TNFAIP8: variants seen among roughly 807,000 people sequenced by gnomAD.
TNFAIP8 encodes the protein tumor necrosis factor alpha-induced protein 8.
In TNFAIP8, 7 loss-of-function variants were observed where a neutral mutation model predicts 13.3. The observed-to-expected ratio is 0.52, with a 90% CI of 0.30 to 0.99. The LOEUF is 0.99. Ranked by LOEUF, TNFAIP8 falls within the 50% of genes least tolerant of loss-of-function variation. The probability of loss-of-function intolerance (pLI) is 0.07; values close to 1 mark genes in which losing one functional copy is unlikely to be tolerated. For synonymous variants in TNFAIP8, 94 were observed against 87.6 expected (o/e 1.07, Z -0.41); for missense variants, 258 against 236.9 (o/e 1.09, Z -0.58).
chr5:119,376,161 C>G (rs1296770729), intron 1 of TNFAIP8, among the ~76,000 whole-genome samples: 1 of 151,644 alleles, frequency 6.6e-6, no homozygotes, highest in Non-Finnish European at 1.5e-5. Flanking sequence ...GTTGCCCAGA[C>G]TGGAGTGCAG....
intron 1 of TNFAIP8, among the ~76,000 whole-genome samples, chr5:119,368,837 T>G (rs1202204973): frequency 6.6e-6 from 1 of 152,118 alleles, no homozygotes; most frequent in Non-Finnish European, 1.5e-5. Flanking sequence ...GCTGTGACCC[T>G]GAGGTGCTTG....
intron 1 of TNFAIP8, among the ~76,000 whole-genome samples, chr5:119,348,923 A>G (rs1431536271): frequency 6.6e-6 from 1 of 150,702 alleles, no homozygotes; most frequent in Admixed American, 6.6e-5. Context: ...GACAACATCT[A>G]AGGTTTCTTT....
At chr5:119,289,519 T>C (rs1470070277) in intron 1 of TNFAIP8, among the ~76,000 whole-genome samples, 1 of 152,186 alleles carries the variant, frequency 6.6e-6, no homozygotes, top group Non-Finnish European at 1.5e-5. Flanking sequence ...AGAAATCTTG[T>C]CAAATAAAAA....
intron 1 of TNFAIP8, among the ~76,000 whole-genome samples, chr5:119,284,420 C>T (rs1748716993): frequency 6.6e-6 from 1 of 152,098 alleles, no homozygotes; most frequent in South Asian, 2.1e-4. Context: ...AGGCCAGGCA[C>T]CTATAATCCC....
chr5:119,391,421 T>A (rs935993521), intron 1 of TNFAIP8: 1 of 702,314 alleles, frequency 1.4e-6, no homozygotes, highest in East Asian at 2.7e-5. Flanking sequence ...GACTCAGAGA[T>A]TGAGTAGACA....
rs187167615 is a variant in TNFAIP8, at chr5:119,299,889, C to T, written c.1+30982C>T. 2.2e-3 allele frequency among the ~76,000 whole-genome samples: 339 copies of T among 152,352 alleles called. 1 individual carries two copies. The highest frequency in any genetic ancestry group is 7.7e-3 in the African/African-American group (320 of 41,588). ...TGCTGTGCTAGCAATCAGCAAGACT[C>T]CGTGGGCGTAGGACCCTCTGAGTCA... On this transcript the variant is annotated intron_variant, in intron 1 of 1. Transcript: ENST00000274456.
In TNFAIP8 at chr5:119,365,763, A is replaced by G. The variant is rs770109602; in HGVS notation, c.31+9642A>G. ...GAATTGCATCAGTTATGAAATATCT[A>G]GAATGAAAATGCATGCCTCCTCAAT... On this transcript the variant is annotated intron_variant, in intron 1 of 1. Coordinates refer to ENST00000504771, the MANE Select transcript of TNFAIP8 (RefSeq NM_014350.4). Among the ~76,000 whole-genome samples, 13 of 152,362 alleles carry G rather than the reference A, an allele frequency of 8.5e-5. No homozygotes were observed. In the South Asian group the frequency reaches 2.5e-3, roughly 29 times the overall value.
At chr5:119,387,968 A>C (rs1752743707) in intron 1 of TNFAIP8, among the ~76,000 whole-genome samples, 3 of 152,192 alleles carry the variant, frequency 2.0e-5, no homozygotes, top group African/African-American at 7.2e-5. Flanking sequence ...AGAGGCAAAA[A>C]ACTGAATGAA....
At chr5:119,276,072 A>G (rs1020644810) in intron 1 of TNFAIP8, among the ~76,000 whole-genome samples, 3 of 151,578 alleles carry the variant, frequency 2.0e-5, no homozygotes, top group African/African-American at 7.3e-5. Context: ...AAGCATATCC[A>G]CACTGAATTT....
intron 1 of TNFAIP8, among the ~76,000 whole-genome samples, chr5:119,336,090 G>C (rs939140793): frequency 7.9e-5 from 12 of 152,328 alleles, no homozygotes; most frequent in African/African-American, 2.9e-4. Flanking sequence ...AGAGGCTTAA[G>C]GGAGGGGGAG....
chr5:119,274,891 AC>A (rs1202776857), intron 1 of TNFAIP8, among the ~76,000 whole-genome samples: 1 of 152,160 alleles, frequency 6.6e-6, no homozygotes, highest in Non-Finnish European at 1.5e-5. Flanking sequence ...AGTCAGAATC[AC>A]CAGTGAAGCT....
intron 1 of TNFAIP8, among the ~76,000 whole-genome samples, chr5:119,294,034 C>T (rs997206851): frequency 8.6e-5 from 13 of 151,592 alleles, no homozygotes; most frequent in Admixed American, 6.6e-5. Flanking sequence ...CCAATACCTT[C>T]TTTTTTTTCT....
chr5:119,386,978 C>CCTGCCTCCCTCT (rs1554183298), intron 1 of TNFAIP8, among the ~76,000 whole-genome samples: 9 of 135,420 alleles, frequency 6.6e-5, no homozygotes, highest in Non-Finnish European at 1.4e-4. Context: ...TCCCTCCCTC[C>CCTGCCTCCCTCT]CTCTCTTTCC....
intron 1 of TNFAIP8, among the ~76,000 whole-genome samples, chr5:119,274,703 C>T (rs1253512327): frequency 3.3e-5 from 5 of 152,232 alleles, no homozygotes; most frequent in Non-Finnish European, 2.9e-5. Context: ...ATTCCCTGCC[C>T]TGTGTACCTG....
intron 1 of TNFAIP8, among the ~76,000 whole-genome samples, chr5:119,368,617 T>A (rs1304374678): frequency 6.6e-6 from 1 of 152,184 alleles, no homozygotes; most frequent in Non-Finnish European, 1.5e-5. Flanking sequence ...TCTCTGAGCG[T>A]CTATTTGTTT....
chr5:119,268,899 C>G, exon 1 of TNFAIP8: 1 of 701,988 alleles, frequency 1.4e-6, no homozygotes, highest in South Asian at 1.5e-5. Flanking sequence ...CGTCGCGCCA[C>G]TCCTCCGAGT....
At chr5:119,296,085 G>A (rs1338497644) in intron 1 of TNFAIP8, among the ~76,000 whole-genome samples, 2 of 149,278 alleles carry the variant, frequency 1.3e-5, no homozygotes, top group South Asian at 4.3e-4. Flanking sequence ...GGGACAATTT[G>A]ACTTCCTCTT....
chr5:119,379,277 C>T (rs531722013), intron 1 of TNFAIP8, among the ~76,000 whole-genome samples: 134 of 152,024 alleles, frequency 8.8e-4, no homozygotes, highest in Non-Finnish European at 1.8e-3. Context: ...AGCTGGAGGG[C>T]ACGTGTTAAG....
intron 1 of TNFAIP8, among the ~76,000 whole-genome samples, chr5:119,298,954 C>A (rs1381815293): frequency 6.6e-6 from 1 of 152,202 alleles, no homozygotes; most frequent in Non-Finnish European, 1.5e-5. Context: ...GCTTTCAGCT[C>A]CATCAGCTCC....
Sources: allele counts gnomAD v4.1 joint callset (sites outside exome capture counted in the v4.1 genomes callset), GRCh38; gene constraint gnomAD v4.1.1; transcripts MANE v1.5; gene names NCBI Gene and HGNC (gene_info 2026-07-23, HGNC 2026-07-21).